The following LITAF variants were observed in gnomAD, a reference collection of about 807,000 sequenced individuals.
The protein encoded by LITAF is lipopolysaccharide-induced tumor necrosis factor-alpha factor.
LITAF carries 9 observed loss-of-function variants against 14.5 expected under a neutral mutation model. The observed-to-expected ratio is 0.62, with a 90% CI of 0.37 to 1.08. LITAF has a LOEUF of 1.08. LITAF is among the 50% of genes least tolerant of loss of function. The pLI is 0.01. For missense variants in LITAF, 206 were observed against 213.4 expected, an observed-to-expected ratio of 0.97 and a Z score of 0.22; for synonymous variants, 98 against 88.2, an observed-to-expected ratio of 1.11 and a Z score of -0.62.
rs575345441 is a variant in LITAF at position 11,572,477 on chromosome 16, T to G, written c.-6+14409A>C. 7.9e-3 allele frequency among the ~76,000 whole-genome samples: 1,203 copies of G among 151,414 alleles called. 17 individuals carry two copies. The highest frequency in any genetic ancestry group is 0.028 in the African/African-American group (1,136 of 40,926). Reference sequence around the variant, plus strand: ...CATCACACACCAGCGAGAAGTCACATGACATCACACACCTGCTGACGGGAC... The same window carrying G: ...CATCACACACCAGCGAGAAGTCACAGGACATCACACACCTGCTGACGGGAC... On this transcript the variant is annotated intron_variant, in intron 1 of 3. Transcript: ENST00000622633.
chr16:11,555,139 C>T (rs8055195), intron 2 of LITAF, among the ~76,000 whole-genome samples: 2 of 151,922 alleles, frequency 1.3e-5, no homozygotes, highest in African/African-American at 4.8e-5. Context: ...CTTAAGCAAT[C>T]CTCCCACCTC....
At chr16:11,574,997 T>C (rs1218440983) in intron 1 of LITAF, among the ~76,000 whole-genome samples, 2 of 152,106 alleles carry the variant, frequency 1.3e-5, no homozygotes, top group African/African-American at 2.4e-5. Flanking sequence ...GAGACAGGGT[T>C]TCACCATGTT....
At chr16:11,626,435 C>T (rs1030094997) in intron 3 of LITAF, among the ~76,000 whole-genome samples, 2 of 146,786 alleles carry the variant, frequency 1.4e-5, no homozygotes, top group African/African-American at 4.9e-5. Flanking sequence ...CCTCTGCCTC[C>T]TGGGTTCAAG....
chr16:11,563,459 T>G (rs1219265857), intron 1 of LITAF, among the ~76,000 whole-genome samples: 1 of 152,088 alleles, frequency 6.6e-6, no homozygotes, highest in East Asian at 1.9e-4. Context: ...CAGAAATTAT[T>G]AAAAACCAGA....
At chr16:11,621,045 T>G (rs936385078) in intron 3 of LITAF, among the ~76,000 whole-genome samples, 2 of 150,638 alleles carry the variant, frequency 1.3e-5, no homozygotes, top group African/African-American at 2.5e-5. Flanking sequence ...ACAGGCGCAC[T>G]CCACCACACC....
intron 3 of LITAF, among the ~76,000 whole-genome samples, chr16:11,621,287 C>T (rs923751955): frequency 2.0e-5 from 3 of 152,306 alleles, no homozygotes; most frequent in Non-Finnish European, 4.4e-5. Flanking sequence ...TGGTCTCGAA[C>T]TCCCGACCTC....
At chr16:11,608,273 C>T (rs2064964798) in intron 3 of LITAF, among the ~76,000 whole-genome samples, 1 of 152,172 alleles carries the variant, frequency 6.6e-6, no homozygotes, top group African/African-American at 2.4e-5. Flanking sequence ...GACTGCCTGT[C>T]CCTCGTTATG....
intron 3 of LITAF, among the ~76,000 whole-genome samples, chr16:11,552,249 G>C (rs2064192585): frequency 6.6e-6 from 1 of 152,134 alleles, no homozygotes; most frequent in Non-Finnish European, 1.5e-5. Flanking sequence ...GGCTCACGTG[G>C]CCAGGTATAA....
At chr16:11,633,195 C>A (rs1044903615) in intron 3 of LITAF, among the ~76,000 whole-genome samples, 8 of 152,064 alleles carry the variant, frequency 5.3e-5, no homozygotes, top group Non-Finnish European at 8.8e-5. Context: ...CCTGGGGCAG[C>A]CCAGGGCCAC....
At chr16:11,573,497 G>A (rs1396532558) in intron 1 of LITAF, among the ~76,000 whole-genome samples, 1 of 152,164 alleles carries the variant, frequency 6.6e-6, no homozygotes, top group Non-Finnish European at 1.5e-5. Context: ...ATTCACTACA[G>A]CGTTGCTGGT....
chr16:11,628,193 A>C (rs1214452128), intron 3 of LITAF, among the ~76,000 whole-genome samples: 1 of 152,154 alleles, frequency 6.6e-6, no homozygotes, highest in African/African-American at 2.4e-5. Context: ...TCAAGCAGGT[A>C]ATCCTGCCCA....
intron 2 of LITAF, 129 bp downstream of exon 2, chr16:11,556,382 T>C: frequency 1.4e-6 from 1 of 727,832 alleles, no homozygotes; most frequent in Non-Finnish European, 2.3e-6. Context: ...AATTTCAAGG[T>C]AAGGGGGTAA....
rs752044350 is a variant in LITAF at position 11,578,003 on chromosome 16, C to G, written c.-6+8883G>C. Among the ~76,000 whole-genome samples the G allele has an allele frequency of 3.0e-4, 46 of 152,042 alleles. No homozygotes were observed. The Middle Eastern group carries it at 0.014, about 45-fold the overall frequency. ...CTTCAACTCCTGGGCTCAAATGATC[C>G]TCCCACCTCAGCCTCCTGAGTAGCT... On this transcript the variant is annotated intron_variant, in intron 1 of 3. Coordinates refer to ENST00000622633, the MANE Select transcript of LITAF (RefSeq NM_001136472.2).
Position 11,553,788 on chromosome 16 carries a change from A to C in LITAF, c.221-99T>G, listed in dbSNP as rs1346336225. On this transcript the variant is annotated intron_variant, in intron 2 of 3. Transcript: ENST00000622633. The surrounding 1 kb of genome is among the most constrained non-coding windows in gnomAD (Gnocchi z 7.7). ...GAGGAACGCAGGGATGCCAGCAAAT[A>C]TTATATTTGTACATTTGTGTTCATA... The C allele has an allele frequency of 8.1e-6, 11 of 1,350,742 alleles. No homozygotes were observed. Among genetic ancestry groups the C allele is most frequent in the Non-Finnish European group, 1.1e-5 (11 of 957,932 alleles). The allele number at this position is 1,350,742 out of a possible 1,614,324, so 83.7% of individuals were successfully genotyped here.
At chr16:11,550,024 G>C (rs930382260) in intron 3 of LITAF, among the ~76,000 whole-genome samples, 5 of 152,200 alleles carry the variant, frequency 3.3e-5, no homozygotes. Context: ...AGGACACCTG[G>C]ACCTACTAGA....
chr16:11,581,468 G>A (rs572716326), intron 1 of LITAF, among the ~76,000 whole-genome samples: 7 of 152,226 alleles, frequency 4.6e-5, no homozygotes, highest in African/African-American at 1.2e-4. Context: ...GTAACATGGC[G>A]AAACCCTGTC....
chr16:11,555,299 G>C (rs1468494763), intron 2 of LITAF, among the ~76,000 whole-genome samples: 4 of 152,178 alleles, frequency 2.6e-5, no homozygotes, highest in Non-Finnish European at 5.9e-5. Flanking sequence ...CAGTAGCTAG[G>C]ATTACAGGCG....
upstream of LITAF, among the ~76,000 whole-genome samples, chr16:11,638,078 C>CTATATA (rs1567271126): frequency 0.013 from 917 of 71,186 alleles, 217 homozygotes; most frequent in African/African-American, 0.061. Context: ...ATATATATAT[C>CTATATA]TATATCTATC....
rs377610029 is a variant in LITAF, at chr16:11,605,014, C to T, written c.85+28519G>A. On this transcript the variant is annotated intron_variant, in intron 3 of 3. Coordinates refer to the LITAF transcript ENST00000574848. This position sits in a 1 kb window ranked among gnomAD's most constrained non-coding sequence, Gnocchi z 4.7. ...GAAGTTGGAGCAATGCGGGAAAGAACGGAACTTCCTTGCCTACTCCAGGAA... is the reference window on the plus strand; with the variant it reads ...GAAGTTGGAGCAATGCGGGAAAGAATGGAACTTCCTTGCCTACTCCAGGAA... Among the ~76,000 whole-genome samples the T allele has an allele frequency of 1.4e-4, 22 of 152,270 alleles. No individual in the cohort carries two copies. The highest frequency in any genetic ancestry group is 4.1e-4 in the South Asian group (2 of 4,830).
Sources: allele counts gnomAD v4.1 joint callset (sites outside exome capture counted in the v4.1 genomes callset), GRCh38; gene constraint gnomAD v4.1.1; non-coding constraint Gnocchi (gnomAD v3.1); transcripts MANE v1.5; gene names NCBI Gene and HGNC (gene_info 2026-07-23, HGNC 2026-07-21).